MKLN1: variants seen among roughly 807,000 people sequenced by gnomAD.
MKLN1 encodes the protein muskelin 1, also known as muskelin.
In MKLN1, 18 loss-of-function variants were observed where a neutral mutation model predicts 99.0. The observed-to-expected ratio is 0.18, with a 90% confidence interval of 0.13 to 0.27. MKLN1 has a LOEUF of 0.27. MKLN1 is among the 10% of genes least tolerant of loss of function. The probability of loss-of-function intolerance (pLI) is 1.00; values close to 1 mark genes in which losing one functional copy is unlikely to be tolerated. For synonymous variants in MKLN1, 288 were observed against 293.2 expected, an observed-to-expected ratio of 0.98 and a Z score of 0.18; for missense variants, 621 against 875.9, an observed-to-expected ratio of 0.71 and a Z score of 3.67.
intron 1 of MKLN1, among the ~76,000 whole-genome samples, chr7:131,129,441 T>C (rs981790546): frequency 6.6e-6 from 1 of 152,236 alleles, no homozygotes; most frequent in African/African-American, 2.4e-5. Flanking sequence ...TTCTTTATAA[T>C]ATTAAATACT....
At chr7:131,264,626 T>A (rs1338128337) in intron 3 of MKLN1, among the ~76,000 whole-genome samples, 6 of 152,142 alleles carry the variant, frequency 3.9e-5, no homozygotes, top group Non-Finnish European at 8.8e-5. Flanking sequence ...TGCCCTATAT[T>A]TTTGGGTCCC....
intron 2 of MKLN1, among the ~76,000 whole-genome samples, chr7:131,151,562 T>G (rs1363856090): frequency 6.6e-6 from 1 of 152,180 alleles, no homozygotes; most frequent in Non-Finnish European, 1.5e-5. Flanking sequence ...CAAAACTAGA[T>G]GTAATTGAAT....
chr7:131,486,292 A>T (rs1008989775), intron 17 of MKLN1, among the ~76,000 whole-genome samples: 1 of 151,916 alleles, frequency 6.6e-6, no homozygotes, highest in African/African-American at 2.4e-5. Flanking sequence ...GGAAGACTCT[A>T]ATCTCACCGT....
chr7:131,488,177 C>G lies in MKLN1; in HGVS notation c.*449C>G, dbSNP rs1797337736. 6.6e-6 allele frequency: 1 copy of G among 151,866 alleles called. No homozygotes were observed. 9.4% of individuals were successfully genotyped at this position (151,866 alleles called of 1,614,324 possible). ...CTTTTCCCTTCCTATTTCACTTTGC[C>G]TCCCATCACACAACTGCGTGTAAAT... On this transcript the variant is annotated 3_prime_UTR_variant, in exon 18 of 18. Transcript: ENST00000352689.
At chr7:131,408,817 C>T (rs1400498726) in intron 6 of MKLN1, among the ~76,000 whole-genome samples, 1 of 152,082 alleles carries the variant, frequency 6.6e-6, no homozygotes, top group Non-Finnish European at 1.5e-5. Flanking sequence ...ACAGCTTGTG[C>T]TCAGTGAGGA....
intron 11 of MKLN1, among the ~76,000 whole-genome samples, chr7:131,444,738 GTAGTAGTA>G (rs1795947437): frequency 7.8e-6 from 1 of 128,590 alleles, no homozygotes. Context: ...AGTAGTAGTA[GTAGTAGTA>G]GTAGTAGTAG....
chr7:131,241,568 T>A (rs1193106965), intron 3 of MKLN1, among the ~76,000 whole-genome samples: 2 of 152,112 alleles, frequency 1.3e-5, no homozygotes. Flanking sequence ...AGTAGCCAGG[T>A]GTGGTGGCCT....
chr7:131,316,369 G>T (rs1798668566), intron 3 of MKLN1, among the ~76,000 whole-genome samples: 1 of 152,178 alleles, frequency 6.6e-6, no homozygotes, highest in Non-Finnish European at 1.5e-5. Flanking sequence ...GGGCCTGACT[G>T]TTAGAAGAAA....
chr7:131,235,294 A>AGT (rs2116482759), intron 3 of MKLN1, among the ~76,000 whole-genome samples: 1 of 148,198 alleles, frequency 6.7e-6, no homozygotes, highest in African/African-American at 2.5e-5. Flanking sequence ...ACACACACAC[A>AGT]CTGTGTGTGT....
chr7:131,265,388 C>A (rs1481782351), intron 3 of MKLN1, among the ~76,000 whole-genome samples: 1 of 152,136 alleles, frequency 6.6e-6, no homozygotes. Flanking sequence ...TCTTTCTTCT[C>A]TCTTACGTCT....
chr7:131,328,242 C>T, intron 1 of MKLN1: 4 of 511,728 alleles, frequency 7.8e-6, no homozygotes, highest in East Asian at 3.3e-5. Context: ...GGGGCGCGCA[C>T]AGGAGAACCG....
intron 12 of MKLN1, among the ~76,000 whole-genome samples, chr7:131,456,316 A>C (rs1050556261): frequency 6.6e-6 from 1 of 152,212 alleles, no homozygotes; most frequent in Non-Finnish European, 1.5e-5. Flanking sequence ...AGAATGCTAT[A>C]AAATGAAAAG....
intron 16 of MKLN1, among the ~76,000 whole-genome samples, chr7:131,475,165 A>G (rs1253900390): frequency 6.6e-6 from 1 of 152,232 alleles, no homozygotes; most frequent in Non-Finnish European, 1.5e-5. Context: ...TCCACATCAC[A>G]AATGAAAAGA....
At chr7:131,254,425 G>A (rs1031601809) in intron 3 of MKLN1, among the ~76,000 whole-genome samples, 2 of 152,070 alleles carry the variant, frequency 1.3e-5, no homozygotes, top group African/African-American at 2.4e-5. Context: ...CATAACATAA[G>A]GAGAGGGAAA....
chr7:131,283,015 G>C (rs1482183637), intron 3 of MKLN1, among the ~76,000 whole-genome samples: 1 of 152,186 alleles, frequency 6.6e-6, no homozygotes, highest in South Asian at 2.1e-4. Context: ...CACCTAGTAA[G>C]GGAGGGGAAT....
chr7:131,192,293 CAA>C (rs1563247700), intron 2 of MKLN1, among the ~76,000 whole-genome samples: 2 of 55,808 alleles, frequency 3.6e-5, no homozygotes, highest in African/African-American at 1.7e-4. Flanking sequence ...ATAATATATA[CAA>C]TATATAAATA....
chr7:131,347,442 G>T (rs1391306478), intron 1 of MKLN1, among the ~76,000 whole-genome samples: 1 of 152,096 alleles, frequency 6.6e-6, no homozygotes. Flanking sequence ...AGCTGTGTAT[G>T]CTGCAAGAGC....
chr7:131,238,923 G>A (rs936019029), intron 3 of MKLN1, among the ~76,000 whole-genome samples: 3 of 152,182 alleles, frequency 2.0e-5, no homozygotes, highest in Admixed American at 2.0e-4. Context: ...CATAAACTCT[G>A]TTCACATTCT....
chr7:131,411,906 CAAAAAAAAAAAAAAAAAAAA>C (rs34182914), intron 7 of MKLN1, among the ~76,000 whole-genome samples: 2 of 53,092 alleles, frequency 3.8e-5, no homozygotes, highest in Non-Finnish European at 7.0e-5. Context: ...GATTCCATCT[CAAAAAAAAAAAAAAAAAAAA>C]AAAAAAAAAA....
Sources: allele counts gnomAD v4.1 joint callset (sites outside exome capture counted in the v4.1 genomes callset), GRCh38; gene constraint gnomAD v4.1.1; transcripts MANE v1.5; gene names NCBI Gene and HGNC (gene_info 2026-07-23, HGNC 2026-07-21).